Variants in ZC3H7A observed in about 807,000 individuals in gnomAD.
ZC3H7A encodes zinc finger CCCH domain-containing protein 7A.
A neutral mutation model predicts 125.5 loss-of-function variants in ZC3H7A; 44 were observed. The observed-to-expected ratio is 0.35, with a 90% CI of 0.28 to 0.45. ZC3H7A has a LOEUF of 0.45. Ranked by LOEUF, ZC3H7A falls within the 20% of genes least tolerant of loss-of-function variation. ZC3H7A has a pLI of 1.00. For synonymous variants in ZC3H7A, 399 were observed against 391.2 expected (o/e 1.02, Z -0.23); for missense variants, 977 against 1,170.7 (o/e 0.83, Z 2.41).
rs2053080324 is a variant in ZC3H7A, at chr16:11,776,357, A to G, written c.548T>C (p.Leu183Pro). Residue 183 changes from leucine (L) to proline (P), a missense_variant and splice_region_variant, in exon 7 of 23, where the codon CTC (leucine) becomes CCC (proline). By Grantham distance (98) the Leu-to-Pro change is moderately conservative (BLOSUM62 -3). Coordinates refer to ENST00000355758, the MANE Select transcript of ZC3H7A (RefSeq NM_014153.4). ...ATCCCCAGGAACTGATTTTAATGAG[A>G]GCTGAAATAAAATAAAGACACTAAT... ...KIRKAYVRAE[L>P]SLKSVPGDGA... 1 of 1,608,772 alleles carries G rather than the reference A, an allele frequency of 6.2e-7. No individual in the cohort carries two copies. Among genetic ancestry groups the G allele is most frequent in the African/African-American group, 1.3e-5 (1 of 74,590 alleles).
At chr16:11,788,744 T>G (rs148829239) in intron 1 of ZC3H7A, among the ~76,000 whole-genome samples, 13,991 of 151,504 alleles carry the variant, frequency 0.092, 845 homozygotes, top group African/African-American at 0.16. Context: ...CGCCCCAGTA[T>G]CTGGGGTTAC....
chr16:11,780,609 G>C (rs980718690), intron 3 of ZC3H7A, among the ~76,000 whole-genome samples: 7 of 152,092 alleles, frequency 4.6e-5, no homozygotes, highest in African/African-American at 1.7e-4. Context: ...TTAGACCCCA[G>C]GTCCACGTGC....
At position 11,751,334 on chromosome 16, in the gene ZC3H7A, AC is replaced by A. The variant is rs1299847783; in HGVS notation, c.2898del (p.Leu966PhefsTer5). On this transcript the variant is annotated frameshift_variant, in exon 23 of 23. Coordinates refer to ENST00000355758, the MANE Select transcript of ZC3H7A (RefSeq NM_014153.4). LOFTEE classifies it high-confidence loss of function. ...NDNDFGKYSFLFKDLN is the reference protein window; with the variant it reads ...NDNDFGKYSFXFKDLN ...CCAGCATATTAGTTTAAATCTTTAA[AC>A]AAAAAACTATATTTTCCAAAGTCAT... The A allele has an allele frequency of 4.2e-5, 68 of 1,612,152 alleles. No individual in the cohort carries two copies. The highest frequency in any genetic ancestry group is 5.7e-5 in the Non-Finnish European group (67 of 1,179,516).
chr16:11,776,905 A>G lies in ZC3H7A; in HGVS notation c.311T>C (p.Phe104Ser). The G allele has an allele frequency of 6.3e-7, 1 of 1,596,054 alleles. No homozygotes were observed. The highest frequency in any genetic ancestry group is 8.5e-7 in the Non-Finnish European group (1 of 1,173,986). The change falls in exon 5 of 23, where the codon TTC (phenylalanine) becomes TCC (serine). Residue 104 changes from phenylalanine to serine, a missense_variant. Around this residue, in one of 3 missense-constraint regions of ZC3H7A, gnomAD observed 199 missense variants for 256.1 expected, o/e 0.78. Transcript: ENST00000355758. ...NRIACYSNMG[F>S]HDKVLEDCNI... ...GCAGTCCTCCAAAACTTTATCATGG[A>G]AACCCTGGTGTGTAAGACCAAAGAA... is the stretch of plus-strand genomic sequence containing the variant.
At chr16:11,773,706 C>A (rs2053027234) in intron 9 of ZC3H7A, among the ~76,000 whole-genome samples, 2 of 151,608 alleles carry the variant, frequency 1.3e-5, no homozygotes. Context: ...GGCAGTGAAA[C>A]CCCATCTTTA....
chr16:11,776,952 TC>T (rs758676747), intron 4 of ZC3H7A, 43 bp from the exon 5 acceptor site: 1 of 1,494,316 alleles, frequency 6.7e-7, no homozygotes, highest in East Asian at 2.5e-5. Context: ...ATCAAACAAT[TC>T]ATTTCTTGCA....
intron 10 of ZC3H7A, among the ~76,000 whole-genome samples, chr16:11,770,164 G>C (rs1253127983): frequency 6.6e-6 from 1 of 151,918 alleles, no homozygotes; most frequent in Non-Finnish European, 1.5e-5. Context: ...ATTTCTTTAA[G>C]TCAATCTTTA....
At chr16:11,754,160 A>T (rs1391612437) in intron 21 of ZC3H7A, among the ~76,000 whole-genome samples, 13 of 151,362 alleles carry the variant, frequency 8.6e-5, no homozygotes, top group Admixed American at 5.9e-4. Context: ...GGCATGGTGG[A>T]GAGCACCTGC....
At chr16:11,793,711 A>C (rs2053388903) in intron 1 of ZC3H7A, among the ~76,000 whole-genome samples, 1 of 152,220 alleles carries the variant, frequency 6.6e-6, no homozygotes, top group Non-Finnish European at 1.5e-5. Flanking sequence ...TGCAACACTT[A>C]CAAAAGCACC....
chr16:11,775,912 T>G (rs1160369038), intron 7 of ZC3H7A, among the ~76,000 whole-genome samples: 2 of 152,146 alleles, frequency 1.3e-5, no homozygotes, highest in Non-Finnish European at 2.9e-5. Context: ...GATCCCAGCA[T>G]TTGGTGGGAG....
intron 1 of ZC3H7A, among the ~76,000 whole-genome samples, chr16:11,790,371 G>C (rs781584865): frequency 3.3e-5 from 5 of 152,152 alleles, no homozygotes; most frequent in Admixed American, 2.6e-4. Flanking sequence ...TGAATTGTTT[G>C]CTCATACCCT....
At chr16:11,751,601 T>C (rs1439962428) in intron 22 of ZC3H7A, 95 bp from the exon 23 acceptor site, 1 of 1,268,378 alleles carries the variant, frequency 7.9e-7, no homozygotes, top group Non-Finnish European at 1.1e-6. Flanking sequence ...AGCTTTATGA[T>C]TTGCATACAA....
chr16:11,764,984 C>T lies in ZC3H7A; in HGVS notation c.1820+69G>A, dbSNP rs536245459. On this transcript the variant is annotated intron_variant, in intron 15 of 22. Coordinates refer to ENST00000355758, the MANE Select transcript of ZC3H7A (RefSeq NM_014153.4). ...GGCAATGCCTGGACAGACATTACTA[C>T]TAGTTTTTATTCAGATCTAGAAAAA... 340 of 1,051,246 alleles carry T rather than the reference C, an allele frequency of 3.2e-4. 2 individuals carry two copies. The South Asian group carries it at 5.0e-3, about 15-fold the overall frequency. 65.1% of individuals were successfully genotyped at this position (1,051,246 alleles called of 1,614,324 possible).
chr16:11,752,703 G>A lies in ZC3H7A; in HGVS notation c.2692C>T (p.Arg898Cys). The change falls in exon 22 of 23, where the codon CGC becomes TGC. Residue 898 changes from arginine (R) to cysteine (C), a missense_variant. By Grantham distance (180) the Arg-to-Cys change is radical (BLOSUM62 -3). This residue lies in a region of ZC3H7A where 436 missense variants were observed against 603.2 expected (regional missense o/e 0.72). Coordinates refer to ENST00000355758, the MANE Select transcript of ZC3H7A (RefSeq NM_014153.4). ...TEDDQYCWQH[R>C]FPTGYFSICD... ...ATACTGAAATAGCCTGTTGGGAAGC[G>A]GTGCTGCCAGCAGTACTGGTCGTCC... 1 of 1,613,824 alleles carries A rather than the reference G, an allele frequency of 6.2e-7. No homozygotes were observed. The highest frequency in any genetic ancestry group is 8.5e-7 in the Non-Finnish European group (1 of 1,179,900).
At chr16:11,787,993 G>A (rs975635609) in intron 1 of ZC3H7A, among the ~76,000 whole-genome samples, 6 of 150,538 alleles carry the variant, frequency 4.0e-5, no homozygotes, top group African/African-American at 9.8e-5. Flanking sequence ...GAGCCCCCTC[G>A]TCCAGCCCCA....
chr16:11,758,324 T>C, intron 20 of ZC3H7A, 107 bp downstream of exon 20: 1 of 830,592 alleles, frequency 1.2e-6, no homozygotes, highest in Non-Finnish European at 2.0e-6. Context: ...GGCAACCGTT[T>C]AGAATGCAAA....
intron 9 of ZC3H7A, 55 bp downstream of exon 9, chr16:11,774,180 AT>A: frequency 7.0e-7 from 1 of 1,436,330 alleles, no homozygotes; most frequent in Non-Finnish European, 9.2e-7. Flanking sequence ...TTATATTACA[AT>A]TTTTAAAAAG....
chr16:11,756,354 T>C lies in ZC3H7A; in HGVS notation c.2445A>G (p.Gln815=), dbSNP rs1239555063. Residue 815 remains glutamine (Q), a synonymous_variant, in exon 21 of 23, where the codon CAA becomes CAG. Transcript: ENST00000355758. ...GACTCTTGAGCCATAGTTCGTAAAA[T>C]TGCTCCATATCTTGTACTAAAGAAA... ...MKENGIQDME[Q]FYELWLKSQK... is the part of the protein sequence containing the mutation. 5 of 1,613,306 alleles carry C rather than the reference T, an allele frequency of 3.1e-6. No homozygotes were observed. The highest frequency in any genetic ancestry group is 4.2e-6 in the Non-Finnish European group (5 of 1,179,794).
intron 9 of ZC3H7A, among the ~76,000 whole-genome samples, chr16:11,773,931 A>C (rs1333884637): frequency 6.6e-6 from 1 of 152,096 alleles, no homozygotes; most frequent in African/African-American, 2.4e-5. Context: ...AATCTATATA[A>C]TTCATTTTTT....
Sources: gnomAD v4.1 joint callset for allele counts (sites outside exome capture counted in the v4.1 genomes callset) on GRCh38, gnomAD v4.1.1 for gene constraint, gnomAD v4.1.1 regional missense constraint, MANE v1.5 for transcripts, NCBI Gene and HGNC (gene_info 2026-07-23, HGNC 2026-07-21) for gene names.